The following IGF2BP1 variants were observed in gnomAD, a reference collection of about 807,000 sequenced individuals.
IGF2BP1 encodes the protein insulin-like growth factor 2 mRNA-binding protein 1.
In IGF2BP1, 11 loss-of-function variants were observed where a neutral mutation model predicts 74.9. That is an observed-to-expected ratio of 0.15 (90% CI 0.09 to 0.24). The LOEUF (loss-of-function observed/expected upper bound fraction) is 0.24, where lower values mean the gene tolerates loss of function less well. Ranked by LOEUF, IGF2BP1 falls within the 10% of genes least tolerant of loss-of-function variation. The pLI, the probability that IGF2BP1 is intolerant of heterozygous loss-of-function variation, is 1.00. For synonymous variants in IGF2BP1, 287 were observed against 281.8 expected, an observed-to-expected ratio of 1.02 and a Z score of -0.18; for missense variants, 440 against 757.4, an observed-to-expected ratio of 0.58 and a Z score of 4.92.
intron 9 of IGF2BP1, among the ~76,000 whole-genome samples, chr17:49,043,179 CTGTT>C (rs771487553): frequency 6.6e-6 from 1 of 152,198 alleles, no homozygotes; most frequent in Non-Finnish European, 1.5e-5. Flanking sequence ...GGGTGTACAA[CTGTT>C]TGGCATTTCT....
rs562267977 is a variant in IGF2BP1 at position 49,009,489 on chromosome 17, C to G, written c.236+10320C>G. Among the ~76,000 whole-genome samples the G allele has an allele frequency of 2.4e-4, 36 of 151,996 alleles. No individual in the cohort carries two copies. The South Asian group carries it at 6.0e-3, about 25-fold the overall frequency. On this transcript the variant is annotated intron_variant, in intron 2 of 14. Coordinates refer to ENST00000290341, the MANE Select transcript of IGF2BP1 (RefSeq NM_006546.4). ...CTTTGGGAGGCCAAGGCGGGCAGAT[C>G]ACTTCAGGTCAGGAGTTCAAGACCA...
chr17:48,999,079 T>A, intron 1 of IGF2BP1, 30 bp from the exon 2 acceptor site: 1 of 1,349,444 alleles, frequency 7.4e-7, no homozygotes. Context: ...GTTCAAGCTC[T>A]CATGGTAATT....
At chr17:49,025,776 G>T in intron 3 of IGF2BP1, 110 bp downstream of exon 3, 2 of 835,386 alleles carry the variant, frequency 2.4e-6, no homozygotes, top group South Asian at 1.6e-5. Flanking sequence ...GGCCAGGCTA[G>T]GGAGGCCTGG....
intron 2 of IGF2BP1, chr17:49,013,481 AT>A (rs1598129789): frequency 6.6e-6 from 1 of 152,262 alleles, no homozygotes; most frequent in Non-Finnish European, 1.5e-5. Flanking sequence ...CTCCCGGGCC[AT>A]TTTCTCCCCT....
intron 14 of IGF2BP1, among the ~76,000 whole-genome samples, chr17:49,048,409 C>T (rs1364358431): frequency 1.3e-5 from 2 of 151,872 alleles, no homozygotes; most frequent in African/African-American, 2.4e-5. Context: ...CACGTCACCA[C>T]GCTCGGCTAA....
At chr17:49,045,858 A>T in intron 12 of IGF2BP1, 32 bp from the exon 13 acceptor site, 2 of 1,607,856 alleles carry the variant, frequency 1.2e-6, no homozygotes, top group South Asian at 2.2e-5. Context: ...AGATATATGA[A>T]CCACTGATTA....
intron 2 of IGF2BP1, among the ~76,000 whole-genome samples, chr17:49,020,039 T>C (rs1378218370): frequency 8.0e-6 from 1 of 124,406 alleles, no homozygotes; most frequent in Non-Finnish European, 1.7e-5. Flanking sequence ...CATATATATG[T>C]ATGTATTTTT....
At chr17:49,002,057 AT>A (rs1289626704) in intron 2 of IGF2BP1, among the ~76,000 whole-genome samples, 1 of 151,908 alleles carries the variant, frequency 6.6e-6, no homozygotes, top group Non-Finnish European at 1.5e-5. Context: ...GCACTGACTC[AT>A]TTTTTTTAAA....
rs2041750529 is a variant in IGF2BP1 at position 49,019,581 on chromosome 17, CTG to C, written c.237-6035_237-6034del. On this transcript the variant is annotated intron_variant, in intron 2 of 14. Transcript: ENST00000290341. ...TTTAAAATTACCATGCATATGTAGTCTGTTGTCATTTTCCCCTGTGCTCTGAT... is the reference window on the plus strand; with the variant it reads ...TTTAAAATTACCATGCATATGTAGTCTTGTCATTTTCCCCTGTGCTCTGAT... Among the ~76,000 whole-genome samples the C allele has an allele frequency of 2.6e-5, 4 of 152,016 alleles. No homozygotes were observed. The South Asian group carries it at 8.3e-4, about 32-fold the overall frequency.
At position 49,011,863 on chromosome 17, in the gene IGF2BP1, G is replaced by A. The variant is rs151016554; in HGVS notation, c.236+12694G>A. On this transcript the variant is annotated intron_variant, in intron 2 of 14. Coordinates refer to ENST00000290341, the MANE Select transcript of IGF2BP1 (RefSeq NM_006546.4). ...CCTTGCATTGTATTTTCCTATCGCC[G>A]TTGAGATTTTCAGATTATCTTGAGT... 4.7e-4 allele frequency among the ~76,000 whole-genome samples: 70 copies of A among 150,186 alleles called. 1 individual carries two copies. The East Asian group carries it at 0.01, about 22-fold the overall frequency.
chr17:49,045,141 G>C, intron 12 of IGF2BP1, 76 bp downstream of exon 12: 3 of 1,306,818 alleles, frequency 2.3e-6, no homozygotes, highest in Non-Finnish European at 3.3e-6. Context: ...TAGGAAAAAG[G>C]CTGGGTCAGT....
chr17:49,023,524 T>C (rs187023640), intron 2 of IGF2BP1, among the ~76,000 whole-genome samples: 17 of 152,314 alleles, frequency 1.1e-4, no homozygotes, highest in Admixed American at 2.6e-4. Flanking sequence ...TCAACACTTT[T>C]ACAACTAGAG....
intron 4 of IGF2BP1, among the ~76,000 whole-genome samples, chr17:49,030,898 G>C (rs928272797): frequency 6.6e-6 from 1 of 152,002 alleles, no homozygotes; most frequent in African/African-American, 2.4e-5. Context: ...CAAAGTGCTG[G>C]GGATTACAGG....
intron 10 of IGF2BP1, 48 bp from the exon 11 acceptor site, chr17:49,043,919 G>A: frequency 1.2e-6 from 2 of 1,604,360 alleles, no homozygotes; most frequent in East Asian, 2.2e-5. Flanking sequence ...AGGGTTTCTG[G>A]GCCATGCTAC....
intron 2 of IGF2BP1, among the ~76,000 whole-genome samples, chr17:49,010,147 C>A (rs937379498): frequency 3.3e-5 from 5 of 152,078 alleles, no homozygotes; most frequent in Non-Finnish European, 7.4e-5. Flanking sequence ...CTTCATCTAT[C>A]GCTAGAACTC....
At chr17:49,011,979 C>T (rs551785794) in intron 2 of IGF2BP1, among the ~76,000 whole-genome samples, 18 of 146,974 alleles carry the variant, frequency 1.2e-4, no homozygotes, top group African/African-American at 4.3e-4. Context: ...GCAATCTCGG[C>T]TCACTACATA....
intron 2 of IGF2BP1, among the ~76,000 whole-genome samples, chr17:49,021,314 C>T (rs2041789390): frequency 6.6e-6 from 1 of 152,164 alleles, no homozygotes; most frequent in South Asian, 2.1e-4. Flanking sequence ...CCCTGTGCTT[C>T]CTGAATCTCT....
intron 4 of IGF2BP1, 118 bp downstream of exon 4, chr17:49,026,635 GCCTTCCTTCCTGCCTGCCTT>G: frequency 4.8e-6 from 2 of 417,866 alleles, no homozygotes; most frequent in Non-Finnish European, 8.0e-6. Context: ...CTTCCTTCCT[GCCTTCCTTCCTGCCTGCCTT>G]CCTGCCTTCC....
intron 2 of IGF2BP1, among the ~76,000 whole-genome samples, chr17:49,020,317 C>T (rs1172080597): frequency 6.6e-6 from 1 of 152,076 alleles, no homozygotes; most frequent in African/African-American, 2.4e-5. Context: ...GCTGGGATTA[C>T]AGGCGTGAGC....
Sources: allele counts gnomAD v4.1 joint callset (sites outside exome capture counted in the v4.1 genomes callset), GRCh38; gene constraint gnomAD v4.1.1; transcripts MANE v1.5; gene names NCBI Gene and HGNC (gene_info 2026-07-23, HGNC 2026-07-21).